The following PTPN3 variants were observed in gnomAD, a reference collection of about 807,000 sequenced individuals.
The protein encoded by PTPN3 is tyrosine-protein phosphatase non-receptor type 3.
In PTPN3, 96 loss-of-function variants were observed where a neutral mutation model predicts 132.7. The observed-to-expected ratio is 0.72, with a 90% confidence interval of 0.61 to 0.86. PTPN3 has a LOEUF of 0.86. PTPN3 is among the 40% of genes least tolerant of loss of function. The pLI is 0.00. For missense variants in PTPN3, 1,125 were observed against 1,159.6 expected (o/e 0.97, Z 0.43); for synonymous variants, 398 against 429.0 (o/e 0.93, Z 0.89).
intron 2 of PTPN3, among the ~76,000 whole-genome samples, chr9:109,459,372 A>G (rs1382489029): frequency 2.0e-5 from 3 of 152,180 alleles, no homozygotes; most frequent in Non-Finnish European, 4.4e-5. Context: ...CAATTCCTAC[A>G]CATAGAAAGA....
chr9:109,466,249 A>G (rs917698917), intron 1 of PTPN3, among the ~76,000 whole-genome samples: 4 of 152,222 alleles, frequency 2.6e-5, no homozygotes, highest in African/African-American at 7.2e-5. Flanking sequence ...TATAGTCTAT[A>G]TAACATAGAC....
At chr9:109,534,632 CAA>C in the PTPN3 span, among the ~76,000 whole-genome samples, 7,282 of 108,686 alleles carry the variant, frequency 0.067, 314 homozygotes, top group African/African-American at 0.14. Flanking sequence ...CAAAAAAATA[CAA>C]AAAAAAAAAA....
upstream of PTPN3, among the ~76,000 whole-genome samples, chr9:109,499,786 C>A (rs1052017912): frequency 4.3e-4 from 66 of 152,326 alleles, no homozygotes; most frequent in African/African-American, 1.5e-3. Context: ...GCGGGTGCCG[C>A]CCGTGCATCG....
At chr9:109,486,836 G>T (rs1462111074) in intron 1 of PTPN3, among the ~76,000 whole-genome samples, 1 of 152,108 alleles carries the variant, frequency 6.6e-6, no homozygotes, top group African/African-American at 2.4e-5. Flanking sequence ...TTGTGATAGT[G>T]AGTTCTCACG....
At chr9:109,389,171 T>A (rs1839845218) in intron 22 of PTPN3, 62 bp downstream of exon 22, 1 of 1,580,548 alleles carries the variant, frequency 6.3e-7, no homozygotes, top group Admixed American at 1.7e-5. Flanking sequence ...GCGCTGAGAT[T>A]CATGTTACAC....
intron 19 of PTPN3, among the ~76,000 whole-genome samples, chr9:109,401,910 G>A (rs778377981): frequency 2.2e-4 from 33 of 152,094 alleles, no homozygotes; most frequent in Non-Finnish European, 3.7e-4. Context: ...TCCAGTTGCT[G>A]CAGAACATAT....
the PTPN3 span, among the ~76,000 whole-genome samples, chr9:109,518,507 T>C: frequency 9.9e-5 from 15 of 152,178 alleles, no homozygotes; most frequent in African/African-American, 3.6e-4. Context: ...ACCCAGCCTC[T>C]AGGTGATCTG....
chr9:109,391,839 C>T (rs892196987), intron 19 of PTPN3, among the ~76,000 whole-genome samples: 3 of 113,330 alleles, frequency 2.6e-5, no homozygotes, highest in Admixed American at 1.4e-4. Flanking sequence ...TTTATGACAA[C>T]TATTTGACAA....
At chr9:109,442,017 T>C (rs1844510442) in intron 7 of PTPN3, among the ~76,000 whole-genome samples, 2 of 152,176 alleles carry the variant, frequency 1.3e-5, no homozygotes, top group Non-Finnish European at 2.9e-5. Context: ...AAAATGTAGG[T>C]GTACCTTTTG....
chr9:109,494,741 T>C (rs1427913652), intron 1 of PTPN3, among the ~76,000 whole-genome samples: 3 of 152,080 alleles, frequency 2.0e-5, no homozygotes, highest in Admixed American at 6.6e-5. Flanking sequence ...GGGACGCACA[T>C]ACACATATAC....
At chr9:109,420,390 A>C (rs752554398) in intron 14 of PTPN3, 34 bp downstream of exon 14, 9 of 1,554,806 alleles carry the variant, frequency 5.8e-6, no homozygotes, top group Non-Finnish European at 7.9e-6. Flanking sequence ...CCAAAAAGCA[A>C]ATACCCAGAA....
chr9:109,452,200 C>A (rs1970941), intron 5 of PTPN3, among the ~76,000 whole-genome samples: 57,259 of 146,530 alleles, frequency 0.39, 11,714 homozygotes, highest in African/African-American at 0.52. Flanking sequence ...CCCGGGAGGC[C>A]GAGGTTACAG....
chr9:109,418,860 C>T (rs2131827659), intron 14 of PTPN3, among the ~76,000 whole-genome samples: 1 of 152,302 alleles, frequency 6.6e-6, no homozygotes, highest in Admixed American at 6.5e-5. Context: ...CTGCAAACCA[C>T]CACAGGAAGC....
In PTPN3 at chr9:109,422,759, G is replaced by A; in HGVS notation, c.1095C>T (p.Thr365=). ...GAGGGGAACGAGAAGGCAGACTCTTGGTTTCTAAGTGCTCCACTGATAAGG... is the reference window on the plus strand; with the variant it reads ...GAGGGGAACGAGAAGGCAGACTCTTAGTTTCTAAGTGCTCCACTGATAAGG... ...RRSLSVEHLE[T]KSLPSRSPPI... The change falls in exon 13 of 26, where the codon ACC becomes ACT. Residue 365 remains threonine (T), a synonymous_variant. Transcript: ENST00000374541. The A allele has an allele frequency of 6.2e-7, 1 of 1,611,544 alleles. No individual in the cohort carries two copies. Among genetic ancestry groups the A allele is most frequent in the East Asian group, 2.2e-5 (1 of 44,854 alleles).
intron 12 of PTPN3, 28 bp downstream of exon 12, chr9:109,426,922 G>A (rs1295391747): frequency 6.3e-7 from 1 of 1,579,966 alleles, no homozygotes; most frequent in Non-Finnish European, 8.7e-7. Context: ...TCAGCCTAGT[G>A]TGGACACAGT....
intron 1 of PTPN3, among the ~76,000 whole-genome samples, chr9:109,477,761 G>C (rs1846754590): frequency 6.6e-6 from 1 of 152,176 alleles, no homozygotes; most frequent in Non-Finnish European, 1.5e-5. Context: ...TCTCCTTCCG[G>C]ACCTCAGTGA....
chr9:109,470,531 C>CAAA (rs35189837), intron 1 of PTPN3, among the ~76,000 whole-genome samples: 1 of 137,992 alleles, frequency 7.2e-6, no homozygotes, highest in Non-Finnish European at 1.6e-5. Context: ...ATCATATCTA[C>CAAA]AAAAAAAAAA....
In PTPN3 at chr9:109,422,792, C is replaced by T. The variant is rs750950689; in HGVS notation, c.1062G>A (p.Met354Ile). The T allele has an allele frequency of 1.2e-5, 20 of 1,611,892 alleles. No homozygotes were observed. The East Asian group carries it at 4.2e-4, about 34-fold the overall frequency. ...VIGGMVWNPA[M>I]RRSLSVEHLE... ...AGTGCTCCACTGATAAGGATCTCCGCATGGCTGGGTTCCACACCATCCCGC... is the reference window on the plus strand; with the variant it reads ...AGTGCTCCACTGATAAGGATCTCCGTATGGCTGGGTTCCACACCATCCCGC... The change falls in exon 13 of 26, where the codon ATG becomes ATA. Residue 354 changes from methionine (M) to isoleucine (I), a missense_variant. Coordinates refer to ENST00000374541, the MANE Select transcript of PTPN3 (RefSeq NM_002829.4).
At chr9:109,384,854 G>C (rs960983104) in intron 22 of PTPN3, among the ~76,000 whole-genome samples, 6 of 152,188 alleles carry the variant, frequency 3.9e-5, no homozygotes, top group African/African-American at 1.4e-4. Context: ...CTGGAAAGCT[G>C]GAGTTAAGAA....
Sources: gnomAD v4.1 joint callset for allele counts (sites outside exome capture counted in the v4.1 genomes callset) on GRCh38, gnomAD v4.1.1 for gene constraint, MANE v1.5 for transcripts, NCBI Gene and HGNC (gene_info 2026-07-23, HGNC 2026-07-21) for gene names.